The following AQP6 variants were observed in gnomAD, a reference collection of about 807,000 sequenced individuals.
AQP6 encodes aquaporin-6.
AQP6 carries 14 observed loss-of-function variants against 16.3 expected under a neutral mutation model. The ratio of observed to expected loss-of-function variants is 0.86; its 90% CI spans 0.57 to 1.34. The LOEUF is 1.34. Among genes scored for constraint, AQP6 ranks in the 40% most tolerant of loss-of-function variants. The pLI, the probability that AQP6 is intolerant of heterozygous loss-of-function variation, is 0.00. For missense variants in AQP6, 331 were observed against 379.7 expected, an observed-to-expected ratio of 0.87 and a Z score of 1.07; for synonymous variants, 178 against 166.8, an observed-to-expected ratio of 1.07 and a Z score of -0.52.
intron 1 of AQP6, chr12:49,974,064 C>T: frequency 8.1e-7 from 1 of 1,234,544 alleles, no homozygotes; most frequent in Non-Finnish European, 1.0e-6. Context: ...TGCTGCCAGT[C>T]TCCTCTCAAG....
In AQP6 at chr12:49,975,578, C is replaced by T. The variant is rs780839793; in HGVS notation, c.756C>T (p.Thr252=). ...AGCGGCTGGCTATCCTCACAGGCACCGTAGAGGTGGGGACAGGGGCAGGGG... is the reference window on the plus strand; with the variant it reads ...AGCGGCTGGCTATCCTCACAGGCACTGTAGAGGTGGGGACAGGGGCAGGGG... ...LAQRLAILTG[T]VEVGTGAGAG... Residue 252 remains threonine, a synonymous_variant, in exon 4 of 4, where the codon ACC becomes ACT. Coordinates refer to ENST00000315520, the MANE Select transcript of AQP6 (RefSeq NM_001652.4). This position sits in a 1 kb window ranked among gnomAD's most constrained non-coding sequence, Gnocchi z 4.4. The T allele has an allele frequency of 1.9e-5, 30 of 1,612,204 alleles. No homozygotes were observed. Among genetic ancestry groups the T allele is most frequent in the Middle Eastern group, 3.3e-4 (2 of 6,066 alleles).
intron 1 of AQP6, 45 bp from the exon 2 acceptor site, chr12:49,974,279 G>T (rs762170358): frequency 6.7e-7 from 1 of 1,481,744 alleles, no homozygotes; most frequent in South Asian, 1.4e-5. Context: ...CTGTCTGTCC[G>T]TGGGCAGAGC....
At chr12:49,974,301 C>A in intron 1 of AQP6, 23 bp from the exon 2 acceptor site, 1 of 1,519,226 alleles carries the variant, frequency 6.6e-7, no homozygotes, top group Non-Finnish European at 8.9e-7. Flanking sequence ...CGCGTCTGGT[C>A]CAGAGTAACT....
In AQP6 at chr12:49,975,245, C is replaced by A; in HGVS notation, c.643-220C>A. 1.5e-6 allele frequency: 2 copies of A among 1,340,508 alleles called. No homozygotes were observed. The highest frequency in any genetic ancestry group is 2.1e-5 in the South Asian group (1 of 47,458). 83.0% of individuals were successfully genotyped at this position (1,340,508 alleles called of 1,614,324 possible). ...CCAGGCCCCAGCCACGGCTGCAGAG[C>A]CTGGGCTCAGCCCCAGGGAGGGCAG... On this transcript the variant is annotated intron_variant, in intron 3 of 3. Coordinates refer to ENST00000315520, the MANE Select transcript of AQP6 (RefSeq NM_001652.4). This position sits in a 1 kb window ranked among gnomAD's most constrained non-coding sequence, Gnocchi z 4.4.
In AQP6 at chr12:49,973,206, G is replaced by C. The variant is rs139772677; in HGVS notation, c.33G>C (p.Trp11Cys). The C allele has an allele frequency of 1.2e-6, 2 of 1,612,322 alleles. No homozygotes were observed. Among genetic ancestry groups the C allele is most frequent in the Non-Finnish European group, 1.7e-6 (2 of 1,178,970 alleles). MDAVEPGGRG[W>C]ASMLACRLWK... ...CAGTGGAGCCAGGGGGACGTGGCTGGGCCAGCATGTTGGCGTGCAGGCTTT... is the reference window on the plus strand; with the variant it reads ...CAGTGGAGCCAGGGGGACGTGGCTGCGCCAGCATGTTGGCGTGCAGGCTTT... Residue 11 changes from tryptophan (W) to cysteine (C), a missense_variant, in exon 1 of 4, where the codon TGG (tryptophan) becomes TGC (cysteine). Coordinates refer to ENST00000315520, the MANE Select transcript of AQP6 (RefSeq NM_001652.4).
chr12:49,974,066 C>G, intron 1 of AQP6: 1 of 1,237,548 alleles, frequency 8.1e-7, no homozygotes, highest in South Asian at 3.6e-5. Flanking sequence ...CTGCCAGTCT[C>G]CTCTCAAGCA....
rs1386474455 is a variant in AQP6 at position 49,973,534 on chromosome 12, G to A, written c.361G>A (p.Val121Ile). 1.9e-6 allele frequency: 3 copies of A among 1,612,384 alleles called. No individual in the cohort carries two copies. The highest frequency in any genetic ancestry group is 1.7e-5 in the Admixed American group (1 of 59,746). The change falls in exon 1 of 4, where the codon GTC becomes ATC. Residue 121 changes from valine (V) to isoleucine (I), a missense_variant. By Grantham distance (29) the Val-to-Ile change is conservative. Coordinates refer to ENST00000315520, the MANE Select transcript of AQP6 (RefSeq NM_001652.4). ...ATVGAALLYG[V>I]MPGDIRETLG... is the part of the protein sequence containing the mutation. The stretch of plus-strand genomic sequence containing the variant: ...GGTGGGGGCTGCTCTGCTTTATGGG[G>A]TCATGCCGGGAGACATCCGAGAGAC...
Position 49,975,480 on chromosome 12 carries a change from C to T in AQP6, c.658C>T (p.Pro220Ser), listed in dbSNP as rs1351482410. The change falls in exon 4 of 4, where the codon CCC becomes TCC. Residue 220 changes from proline to serine, a missense_variant. Pro to Ser is a moderately conservative substitution (Grantham distance 74, BLOSUM62 -1). Transcript: ENST00000315520. This position sits in a 1 kb window ranked among gnomAD's most constrained non-coding sequence, Gnocchi z 4.4. ...TTCTCCTCAGGTCTTCTGGGTGGGG[C>T]CCCTGATGGGAGCCCTCCTGGCCTC... ...FTVHWVFWVG[P>S]LMGALLASLI... The T allele has an allele frequency of 3.7e-6, 6 of 1,603,036 alleles. No individual in the cohort carries two copies. The highest frequency in any genetic ancestry group is 1.7e-4 in the Middle Eastern group (1 of 6,020).
In AQP6 at chr12:49,976,635, T is replaced by C; in HGVS notation, c.*964T>C. 2 of 287,178 alleles carry C rather than the reference T, an allele frequency of 7.0e-6. No individual in the cohort carries two copies. The highest frequency in any genetic ancestry group is 1.3e-5 in the Non-Finnish European group (2 of 154,234). The allele number at this position is 287,178 out of a possible 1,614,324, so 17.8% of individuals were successfully genotyped here. On this transcript the variant is annotated 3_prime_UTR_variant, in exon 4 of 4. Transcript: ENST00000315520. Reference sequence around the variant, plus strand: ...AGAGAAGAACATTTTCTCAGGCTCGTAGAGAGGTGGGATAGAGGAAGGGAG... The same window carrying C: ...AGAGAAGAACATTTTCTCAGGCTCGCAGAGAGGTGGGATAGAGGAAGGGAG...
chr12:49,974,742 C>G lies in AQP6; in HGVS notation c.562-4C>G, dbSNP rs761645011. 1.2e-5 allele frequency: 19 copies of G among 1,614,062 alleles called. No homozygotes were observed. Among genetic ancestry groups the G allele is most frequent in the Non-Finnish European group, 1.6e-5 (19 of 1,180,004 alleles). ...CCCACCCTGACCCTGCACTTGCTCC[C>G]CAGATCCACTTCACTGGCTGCTCCA... On this transcript the variant is annotated splice_region_variant and splice_polypyrimidine_tract_variant and intron_variant, in intron 2 of 3. Transcript: ENST00000315520.
At chr12:49,974,292 G>T (rs753612484) in intron 1 of AQP6, 32 bp from the exon 2 acceptor site, 2 of 1,497,940 alleles carry the variant, frequency 1.3e-6, no homozygotes, top group East Asian at 2.3e-5. Context: ...GGCAGAGCCC[G>T]CGTCTGGTCC....
intron 1 of AQP6, 74 bp downstream of exon 1, chr12:49,973,649 C>T (rs531764225): frequency 3.0e-5 from 45 of 1,476,334 alleles, no homozygotes; most frequent in South Asian, 9.3e-5. Context: ...GAGGCCAGGA[C>T]GGAGGCGAGG....
In AQP6 at chr12:49,973,219, G is replaced by A; in HGVS notation, c.46G>A (p.Ala16Thr). The A allele has an allele frequency of 6.2e-7, 1 of 1,613,648 alleles. No individual in the cohort carries two copies. ...PGGRGWASMLACRLWKAISRA... is the reference protein window; with the variant it reads ...PGGRGWASMLTCRLWKAISRA... ...GGGACGTGGCTGGGCCAGCATGTTG[G>A]CGTGCAGGCTTTGGAAAGCCATCAG... is the stretch of plus-strand genomic sequence containing the variant. Residue 16 changes from alanine (A) to threonine (T), a missense_variant, in exon 1 of 4, where the codon GCG becomes ACG. Physicochemically the swap from Ala to Thr is moderately conservative, Grantham distance 58 (BLOSUM62 0). Transcript: ENST00000315520.
chr12:49,975,605 AG>A lies in AQP6; in HGVS notation c.787del (p.Ala263ArgfsTer4). On this transcript the variant is annotated frameshift_variant, in exon 4 of 4. Transcript: ENST00000315520. LOFTEE classifies it low-confidence loss of function (END_TRUNC). This position sits in a 1 kb window ranked among gnomAD's most constrained non-coding sequence, Gnocchi z 4.4. ...TAGAGGTGGGGACAGGGGCAGGGGC[AG>A]GGGCGGAGCCCCTGAAGAAGGAATC... The part of the protein sequence containing the change: ...TVEVGTGAGA[G>X]AEPLKKESQP... 1 of 1,602,336 alleles carries A rather than the reference AG, an allele frequency of 6.2e-7. No individual in the cohort carries two copies. Among genetic ancestry groups the A allele is most frequent in the African/African-American group, 1.4e-5 (1 of 74,012 alleles).
In AQP6 at chr12:49,975,918, A is replaced by G; in HGVS notation, c.*247A>G. On this transcript the variant is annotated 3_prime_UTR_variant, in exon 4 of 4. Coordinates refer to ENST00000315520, the MANE Select transcript of AQP6 (RefSeq NM_001652.4). This position sits in a 1 kb window ranked among gnomAD's most constrained non-coding sequence, Gnocchi z 4.4. ...AGCAGAGGAAGGCAGGGGATTTAGG[A>G]TCGCCCTCCCATCCTCTCACCCACT... 1 of 398,236 alleles carries G rather than the reference A, an allele frequency of 2.5e-6. No homozygotes were observed. Among genetic ancestry groups the G allele is most frequent in the Non-Finnish European group, 4.3e-6 (1 of 234,548 alleles). The allele number at this position is 398,236 out of a possible 1,614,324, so 24.7% of individuals were successfully genotyped here.
rs1947572631 is a variant in AQP6, at chr12:49,976,233, A to G, written c.*562A>G. 1 of 151,604 alleles carries G rather than the reference A, an allele frequency of 6.6e-6. No individual in the cohort carries two copies. Among genetic ancestry groups the G allele is most frequent in the African/African-American group, 2.4e-5 (1 of 41,136 alleles). 9.4% of individuals were successfully genotyped at this position (151,604 alleles called of 1,614,324 possible). ...TCCTGAGGACAGAGACTGCTCTACC[A>G]ATAGATCTTTGTTTGTTTTGAGACA... On this transcript the variant is annotated 3_prime_UTR_variant, in exon 4 of 4. Transcript: ENST00000315520.
Position 49,973,512 on chromosome 12 carries a change from G to A in AQP6, c.339G>A (p.Val113=). The change falls in exon 1 of 4, where the codon GTG becomes GTA. Residue 113 remains valine, a synonymous_variant. Transcript: ENST00000315520. ...YVAAQLVGAT[V]GAALLYGVMP... is the part of the protein sequence containing the mutation. ...CTGCCCAGCTGGTGGGGGCCACGGT[G>A]GGGGCTGCTCTGCTTTATGGGGTCA... is the stretch of plus-strand genomic sequence containing the variant. 2 of 1,613,630 alleles carry A rather than the reference G, an allele frequency of 1.2e-6. No homozygotes were observed. The highest frequency in any genetic ancestry group is 1.7e-6 in the Non-Finnish European group (2 of 1,179,938).
Position 49,975,747 on chromosome 12 carries a change from G to A in AQP6, c.*76G>A, listed in dbSNP as rs765025831. 1.6e-5 allele frequency: 23 copies of A among 1,439,948 alleles called. No homozygotes were observed. The highest frequency in any genetic ancestry group is 6.0e-5 in the South Asian group (4 of 66,216). The allele number at this position is 1,439,948 out of a possible 1,614,324, so 89.2% of individuals were successfully genotyped here. A position where few individuals can be genotyped will look rare whatever the true frequency, so the allele number is the denominator to read the frequency against. On this transcript the variant is annotated 3_prime_UTR_variant, in exon 4 of 4. Coordinates refer to ENST00000315520, the MANE Select transcript of AQP6 (RefSeq NM_001652.4). This position sits in a 1 kb window ranked among gnomAD's most constrained non-coding sequence, Gnocchi z 4.4. ...CCTGGAGGTTCTCCCTGGGGGTGGC[G>A]GGAGGGGGAGGCTTGACCTTTTGTC... is the stretch of plus-strand genomic sequence containing the variant.
chr12:49,973,387 G>A lies in AQP6; in HGVS notation c.214G>A (p.Val72Ile). ...FNLVTAMAVQ[V>I]TWKASGAHAN... Reference sequence around the variant, plus strand: ...CCTGGTCACCGCCATGGCTGTGCAGGTCACCTGGAAGGCCAGCGGGGCCCA... The same window carrying A: ...CCTGGTCACCGCCATGGCTGTGCAGATCACCTGGAAGGCCAGCGGGGCCCA... The change falls in exon 1 of 4, where the codon GTC becomes ATC. Residue 72 changes from valine to isoleucine, a missense_variant. Physicochemically the swap from Val to Ile is conservative, Grantham distance 29. Transcript: ENST00000315520. The A allele has an allele frequency of 6.2e-7, 1 of 1,613,140 alleles. No homozygotes were observed. The highest frequency in any genetic ancestry group is 1.1e-5 in the South Asian group (1 of 91,076).
Sources: gnomAD v4.1 joint callset for allele counts on GRCh38, gnomAD v4.1.1 for gene constraint, Gnocchi (gnomAD v3.1) non-coding constraint, MANE v1.5 for transcripts, NCBI Gene and HGNC (gene_info 2026-07-23, HGNC 2026-07-21) for gene names.